IWS1: variants seen among roughly 807,000 people sequenced by gnomAD.
The protein encoded by IWS1 is interacts with SUPT6H, CTD assembly factor 1, also known as protein IWS1 homolog.
IWS1 carries 27 observed loss-of-function variants against 86.7 expected under a neutral mutation model. The ratio of observed to expected loss-of-function variants is 0.31; its 90% CI spans 0.23 to 0.43. The LOEUF (loss-of-function observed/expected upper bound fraction) is 0.43. Ranked by LOEUF, IWS1 falls within the 20% of genes least tolerant of loss-of-function variation. The pLI, the probability that IWS1 is intolerant of heterozygous loss-of-function variation, is 1.00. For synonymous variants in IWS1, 313 were observed against 335.1 expected (o/e 0.93, Z 0.72); for missense variants, 827 against 1,000.8 (o/e 0.83, Z 2.34).
chr2:127,521,687 C>A (rs1282143037), intron 2 of IWS1, among the ~76,000 whole-genome samples: 1 of 152,160 alleles, frequency 6.6e-6, no homozygotes, highest in African/African-American at 2.4e-5. Flanking sequence ...AAAAACAGAA[C>A]GGTTGTATGG....
intron 13 of IWS1, 170 bp downstream of exon 13, chr2:127,486,383 T>C: frequency 1.8e-6 from 1 of 545,906 alleles, no homozygotes; most frequent in Non-Finnish European, 3.4e-6. Flanking sequence ...GGGTAATACT[T>C]TTCCTTTCTC....
At chr2:127,486,041 T>A (rs764469463) in intron 13 of IWS1, 3 of 154,144 alleles carry the variant, frequency 1.9e-5, no homozygotes, top group Non-Finnish European at 4.3e-5. Flanking sequence ...AGGCTAGAAG[T>A]AGTAGTTTGA....
In IWS1 at chr2:127,494,925, C is replaced by CT; in HGVS notation, c.1745dup (p.Pro583AlafsTer17). 2 of 1,602,048 alleles carry CT rather than the reference C, an allele frequency of 1.2e-6. No individual in the cohort carries two copies. Among genetic ancestry groups the CT allele is most frequent in the South Asian group, 1.1e-5 (1 of 88,476 alleles). On this transcript the variant is annotated frameshift_variant, in exon 8 of 14. Coordinates refer to ENST00000295321, the MANE Select transcript of IWS1 (RefSeq NM_017969.3). LOFTEE classifies it high-confidence loss of function. ...GTAAAGTTAATTTTTTCAGTGCTGG[C>CT]TTTTTTTGATTGTTCAACTGTCTGT...
At chr2:127,507,277 TAA>T (rs1373565583) in intron 2 of IWS1, among the ~76,000 whole-genome samples, 2 of 152,214 alleles carry the variant, frequency 1.3e-5, no homozygotes, top group Non-Finnish European at 2.9e-5. Context: ...TGAAAAATTA[TAA>T]AATAGCCTAC....
At position 127,499,557 on chromosome 2, in the gene IWS1, C is replaced by T. The variant is rs980669205; in HGVS notation, c.1468-1320G>A. ...AAGTCTCCAAAACAGGTAAGTATAC[C>T]TTATTCTTACAATATGGTGCTTAAC... On this transcript the variant is annotated intron_variant, in intron 5 of 13. Coordinates refer to ENST00000295321, the MANE Select transcript of IWS1 (RefSeq NM_017969.3). The surrounding 1 kb of genome is among the most constrained non-coding windows in gnomAD (Gnocchi z 4.0). Among the ~76,000 whole-genome samples, 1 of 152,092 alleles carries T rather than the reference C, an allele frequency of 6.6e-6. No homozygotes were observed. The highest frequency in any genetic ancestry group is 1.5e-5 in the Non-Finnish European group (1 of 68,016).
intron 2 of IWS1, among the ~76,000 whole-genome samples, chr2:127,510,562 A>C (rs751394295): frequency 8.5e-5 from 13 of 152,134 alleles, no homozygotes; most frequent in Non-Finnish European, 1.8e-4. Flanking sequence ...GCATAACCAT[A>C]GCTCAGTATA....
chr2:127,485,836 T>C (rs1275127106), intron 13 of IWS1: 2 of 152,272 alleles, frequency 1.3e-5, no homozygotes, highest in Non-Finnish European at 2.9e-5. Flanking sequence ...CTGTTGACAA[T>C]TCAAGCCCAT....
intron 12 of IWS1, among the ~76,000 whole-genome samples, chr2:127,488,851 A>C (rs1471401449): frequency 6.6e-6 from 1 of 152,216 alleles, no homozygotes; most frequent in East Asian, 1.9e-4. Context: ...TGGCTTTACC[A>C]AAGACCTCCC....
rs901993206 is a variant in IWS1 at position 127,499,248 on chromosome 2, G to A, written c.1468-1011C>T. The stretch of plus-strand genomic sequence containing the variant: ...TGGGACTACAGGCGCCTGCCACCAT[G>A]CCCAGCTAATTTTTCGTATTTTTAG... On this transcript the variant is annotated intron_variant, in intron 5 of 13. Transcript: ENST00000295321. The surrounding 1 kb of genome is among the most constrained non-coding windows in gnomAD (Gnocchi z 4.0). 2.6e-5 allele frequency among the ~76,000 whole-genome samples: 4 copies of A among 152,058 alleles called. No individual in the cohort carries two copies. Among genetic ancestry groups the A allele is most frequent in the Admixed American group, 6.5e-5 (1 of 15,278 alleles).
At chr2:127,517,126 C>A (rs546758853) in intron 2 of IWS1, among the ~76,000 whole-genome samples, 2 of 152,138 alleles carry the variant, frequency 1.3e-5, no homozygotes, top group African/African-American at 4.8e-5. Flanking sequence ...ATAGACATCC[C>A]GTGTTCTTGG....
At position 127,489,126 on chromosome 2, in the gene IWS1, A is replaced by G; in HGVS notation, c.2216+53T>C. ...CATTTACTACTTTTCTTAAAGCAGCAAACGGAAATTCTCTATATAGTCTAG... is the reference window on the plus strand; with the variant it reads ...CATTTACTACTTTTCTTAAAGCAGCGAACGGAAATTCTCTATATAGTCTAG... On this transcript the variant is annotated intron_variant, in intron 12 of 13. Transcript: ENST00000295321. The surrounding 1 kb of genome is among the most constrained non-coding windows in gnomAD (Gnocchi z 4.8). 6 of 1,285,086 alleles carry G rather than the reference A, an allele frequency of 4.7e-6. No homozygotes were observed. The highest frequency in any genetic ancestry group is 5.6e-6 in the Non-Finnish European group (5 of 900,418). The allele number at this position is 1,285,086 out of a possible 1,614,324, so 79.6% of individuals were successfully genotyped here. A position where few individuals can be genotyped will look rare whatever the true frequency, so the allele number is the denominator to read the frequency against.
chr2:127,522,895 TAAACAAA>T (rs1165104291), intron 2 of IWS1, among the ~76,000 whole-genome samples: 2 of 152,232 alleles, frequency 1.3e-5, no homozygotes, highest in African/African-American at 4.8e-5. Flanking sequence ...TACATATTAT[TAAACAAA>T]AACAGCTCTT....
intron 5 of IWS1, chr2:127,502,577 ACTTT>A (rs770660316): frequency 4.3e-5 from 14 of 324,478 alleles, no homozygotes; most frequent in South Asian, 9.3e-5. Flanking sequence ...TTATAAAGTG[ACTTT>A]CTTTGTCTCA....
intron 2 of IWS1, among the ~76,000 whole-genome samples, chr2:127,519,158 A>T: frequency 6.6e-6 from 1 of 152,148 alleles, no homozygotes; most frequent in East Asian, 1.9e-4. Context: ...ATAAACAGAG[A>T]TGTTATTAGA....
chr2:127,483,409 G>C (rs1413070192), intron 13 of IWS1, among the ~76,000 whole-genome samples: 3 of 151,564 alleles, frequency 2.0e-5, no homozygotes, highest in South Asian at 2.1e-4. Context: ...GATCGCTTGA[G>C]ACCAGCCTGA....
chr2:127,503,843 A>G (rs1397682206), intron 3 of IWS1, among the ~76,000 whole-genome samples: 1 of 152,218 alleles, frequency 6.6e-6, no homozygotes, highest in Admixed American at 6.5e-5. Context: ...AGATATCATC[A>G]ATATAAAAGC....
At chr2:127,496,602 G>A (rs1240116915) in intron 6 of IWS1, among the ~76,000 whole-genome samples, 1 of 138,868 alleles carries the variant, frequency 7.2e-6, no homozygotes, top group Admixed American at 7.6e-5. Context: ...AAAGAGTTGG[G>A]GTGTTGCTCT....
Position 127,480,885 on chromosome 2 carries a change from G to T in IWS1, c.*159C>A. On this transcript the variant is annotated 3_prime_UTR_variant, in exon 14 of 14. Transcript: ENST00000295321. ...ATTCCTTTGTACAAAGTACACAACG[G>T]TTTTAAATATAACTGAGAGAAATGT... is the stretch of plus-strand genomic sequence containing the variant. The T allele has an allele frequency of 1.4e-6, 1 of 736,056 alleles. No homozygotes were observed. Among genetic ancestry groups the T allele is most frequent in the South Asian group, 2.2e-5 (1 of 44,882 alleles). 45.6% of individuals were successfully genotyped at this position (736,056 alleles called of 1,614,324 possible). A position where few individuals can be genotyped will look rare whatever the true frequency, so the allele number is the denominator to read the frequency against.
Position 127,489,955 on chromosome 2 carries a change from A to G in IWS1, c.2048-12T>C. On this transcript the variant is annotated splice_polypyrimidine_tract_variant and intron_variant, in intron 10 of 13. Transcript: ENST00000295321. The surrounding 1 kb of genome is among the most constrained non-coding windows in gnomAD (Gnocchi z 4.8). ...CCTAGACCACTCATCTGTAGTAAGA[A>G]AAAAATCAATTATTTTGTCCATAAA... 7.1e-7 allele frequency: 1 copy of G among 1,399,952 alleles called. No homozygotes were observed. Among genetic ancestry groups the G allele is most frequent in the African/African-American group, 1.4e-5 (1 of 70,502 alleles). The allele number at this position is 1,399,952 out of a possible 1,614,324, so 86.7% of individuals were successfully genotyped here.
Sources: allele counts gnomAD v4.1 joint callset (sites outside exome capture counted in the v4.1 genomes callset), GRCh38; gene constraint gnomAD v4.1.1; non-coding constraint Gnocchi (gnomAD v3.1); transcripts MANE v1.5; gene names NCBI Gene and HGNC (gene_info 2026-07-23, HGNC 2026-07-21).